The following SGSM1 variants were observed in gnomAD, a reference collection of about 807,000 sequenced individuals.
SGSM1 encodes the protein RUN and TBC1 domain containing 2.
A neutral mutation model predicts 133.8 loss-of-function variants in SGSM1; 73 were observed. The ratio of observed to expected loss-of-function variants is 0.55; its 90% CI spans 0.45 to 0.66. The LOEUF is 0.66. Ranked by LOEUF, SGSM1 falls within the 30% of genes least tolerant of loss-of-function variation. The pLI is 0.00. For missense variants in SGSM1, 1,213 were observed against 1,448.1 expected (o/e 0.84, Z 2.64); for synonymous variants, 563 against 573.0 (o/e 0.98, Z 0.25).
intron 4 of SGSM1, among the ~76,000 whole-genome samples, chr22:24,848,350 C>T (rs538587062): frequency 1.1e-3 from 164 of 152,244 alleles, no homozygotes; most frequent in African/African-American, 3.8e-3. Flanking sequence ...TGGCCTCTGT[C>T]TGCATGGACC....
intron 12 of SGSM1, among the ~76,000 whole-genome samples, chr22:24,872,935 T>C (rs1300541176): frequency 6.6e-6 from 1 of 151,044 alleles, no homozygotes; most frequent in African/African-American, 2.4e-5. Flanking sequence ...AAAAAAGAAA[T>C]TTTTTTAAAT....
chr22:24,903,180 G>A (rs1218456172), intron 20 of SGSM1, among the ~76,000 whole-genome samples: 1 of 151,474 alleles, frequency 6.6e-6, no homozygotes, highest in African/African-American at 2.4e-5. Context: ...CTAATTGATT[G>A]TATATTGTAT....
rs1929850066 is a variant in SGSM1, at chr22:24,842,279, A to G, written c.64-2618A>G. On this transcript the variant is annotated intron_variant, in intron 2 of 24. Transcript: ENST00000400358. Reference sequence around the variant, plus strand: ...GAAGGAGCTCAGCCCCTGGAGTCAGACAAACCTGGGTCCAAACACCAAATC... The same window carrying G: ...GAAGGAGCTCAGCCCCTGGAGTCAGGCAAACCTGGGTCCAAACACCAAATC... Among the ~76,000 whole-genome samples, 5 of 152,288 alleles carry G rather than the reference A, an allele frequency of 3.3e-5. No individual in the cohort carries two copies. In the South Asian group the frequency reaches 1.0e-3, roughly 32 times the overall value.
At chr22:24,918,729 C>CT (rs917931580) in intron 23 of SGSM1, among the ~76,000 whole-genome samples, 48 of 145,768 alleles carry the variant, frequency 3.3e-4, no homozygotes, top group South Asian at 6.6e-4. Flanking sequence ...GCTTGCTTTT[C>CT]TTTTTTTTTT....
intron 2 of SGSM1, among the ~76,000 whole-genome samples, chr22:24,826,096 G>T (rs992579149): frequency 7.9e-5 from 12 of 152,218 alleles, no homozygotes; most frequent in African/African-American, 2.4e-4. Context: ...AAAAGCAAAA[G>T]ATACTATGAG....
At chr22:24,864,469 A>T (rs1461640444) in intron 9 of SGSM1, among the ~76,000 whole-genome samples, 1 of 152,262 alleles carries the variant, frequency 6.6e-6, no homozygotes, top group South Asian at 2.1e-4. Flanking sequence ...TGGTCCATCC[A>T]TGCAACAGAA....
At chr22:24,829,360 A>C (rs558328950) in intron 2 of SGSM1, among the ~76,000 whole-genome samples, 425 of 152,294 alleles carry the variant, frequency 2.8e-3, no homozygotes, top group Middle Eastern at 0.014. Flanking sequence ...AGAGGGGAGC[A>C]GCAGACACCA....
intron 22 of SGSM1, among the ~76,000 whole-genome samples, chr22:24,915,264 C>G (rs1933783841): frequency 7.0e-6 from 1 of 143,678 alleles, no homozygotes; most frequent in Non-Finnish European, 1.5e-5. Context: ...AAACAAACAG[C>G]GCTGCACTGA....
chr22:24,812,229 C>T (rs1927795588), intron 2 of SGSM1, among the ~76,000 whole-genome samples: 1 of 151,688 alleles, frequency 6.6e-6, no homozygotes, highest in Admixed American at 6.6e-5. Flanking sequence ...TACGTGTTTG[C>T]TGGGGGCTTC....
intron 5 of SGSM1, among the ~76,000 whole-genome samples, chr22:24,851,385 C>T (rs1380748681): frequency 7.2e-6 from 1 of 139,764 alleles, no homozygotes; most frequent in Non-Finnish European, 1.5e-5. Context: ...TCATCTGACA[C>T]TCCTTGTGGC....
At chr22:24,836,597 T>C (rs1427432612) in intron 2 of SGSM1, among the ~76,000 whole-genome samples, 1 of 152,218 alleles carries the variant, frequency 6.6e-6, no homozygotes, top group African/African-American at 2.4e-5. Context: ...TTTCTCCACA[T>C]CCCCACCAAC....
At chr22:24,853,528 T>C (rs1395931904) in intron 5 of SGSM1, among the ~76,000 whole-genome samples, 1 of 152,090 alleles carries the variant, frequency 6.6e-6, no homozygotes, top group African/African-American at 2.4e-5. Context: ...TACCCAAAAC[T>C]GGGAACAAAA....
chr22:24,882,607 C>T (rs1932393176), intron 14 of SGSM1, among the ~76,000 whole-genome samples: 1 of 152,150 alleles, frequency 6.6e-6, no homozygotes, highest in Admixed American at 6.6e-5. Context: ...AATACAAGAA[C>T]GTATTCCATC....
chr22:24,857,297 A>G (rs139695), intron 8 of SGSM1, among the ~76,000 whole-genome samples: 19,854 of 150,716 alleles, frequency 0.13, 2,197 homozygotes, highest in African/African-American at 0.3. Context: ...TGTAGTCCCA[A>G]CTACTCGGGA....
At chr22:24,833,206 A>C (rs1222103389) in intron 2 of SGSM1, among the ~76,000 whole-genome samples, 2 of 150,116 alleles carry the variant, frequency 1.3e-5, no homozygotes, top group Admixed American at 1.3e-4. Flanking sequence ...AAGTGCTGGG[A>C]TTACAGGAGT....
chr22:24,807,218 T>G (rs1247503165), intron 2 of SGSM1, among the ~76,000 whole-genome samples: 1 of 152,094 alleles, frequency 6.6e-6, no homozygotes, highest in Admixed American at 6.5e-5. Context: ...AGACAGAATT[T>G]ATAGTCCTTG....
At chr22:24,824,554 T>G (rs1375050059) in intron 2 of SGSM1, among the ~76,000 whole-genome samples, 2 of 151,960 alleles carry the variant, frequency 1.3e-5, no homozygotes, top group Non-Finnish European at 2.9e-5. Context: ...CCTAATAGAT[T>G]TAAAAATTAA....
At chr22:24,810,515 T>G (rs1164253472) in intron 2 of SGSM1, among the ~76,000 whole-genome samples, 2 of 152,184 alleles carry the variant, frequency 1.3e-5, no homozygotes. Flanking sequence ...GAGCAGGGAC[T>G]GGCTTCCCGT....
At chr22:24,912,562 C>A in intron 21 of SGSM1, 81 bp from the exon 22 acceptor site, 1 of 915,068 alleles carries the variant, frequency 1.1e-6, no homozygotes, top group South Asian at 1.5e-5. Context: ...CATATTTCAA[C>A]ATGAGATTTG....
Sources: allele counts gnomAD v4.1 joint callset (sites outside exome capture counted in the v4.1 genomes callset), GRCh38; gene constraint gnomAD v4.1.1; transcripts MANE v1.5; gene names NCBI Gene and HGNC (gene_info 2026-07-23, HGNC 2026-07-21).